The following VPS13B variants were observed in gnomAD, a reference collection of about 807,000 sequenced individuals.
VPS13B encodes intermembrane lipid transfer protein VPS13B.
VPS13B carries 285 observed loss-of-function variants against 426.4 expected under a neutral mutation model. The ratio of observed to expected loss-of-function variants is 0.67; its 90% CI spans 0.61 to 0.74. VPS13B has a LOEUF of 0.74. Ranked by LOEUF, VPS13B falls within the 30% of genes least tolerant of loss-of-function variation. The probability of loss-of-function intolerance (pLI) is 0.00; values close to 1 mark genes in which losing one functional copy is unlikely to be tolerated. For synonymous variants in VPS13B, 1,676 were observed against 1,676.4 expected (o/e 1.00, Z 0.01); for missense variants, 4,537 against 4,782.6 (o/e 0.95, Z 1.51).
chr8:99,652,552 T>G (rs989728670), intron 34 of VPS13B, among the ~76,000 whole-genome samples: 25 of 148,100 alleles, frequency 1.7e-4, no homozygotes, highest in Admixed American at 2.0e-4. Flanking sequence ...TAATTGAGGG[T>G]TTTTTTTTTA....
intron 15 of VPS13B, among the ~76,000 whole-genome samples, chr8:99,157,978 A>G (rs142597410): frequency 8.5e-4 from 130 of 152,348 alleles, no homozygotes; most frequent in African/African-American, 2.9e-3. Flanking sequence ...AGACTTGAGA[A>G]AGCTGCAGAA....
intron 43 of VPS13B, among the ~76,000 whole-genome samples, chr8:99,808,847 G>A (rs909987978): frequency 6.6e-6 from 1 of 151,432 alleles, no homozygotes; most frequent in African/African-American, 2.4e-5. Context: ...AATGTTGAGG[G>A]TATTTCTAAT....
chr8:99,621,820 C>CT (rs749078781), intron 33 of VPS13B, among the ~76,000 whole-genome samples: 2,600 of 83,272 alleles, frequency 0.031, 42 homozygotes, highest in African/African-American at 0.035. Context: ...TGTTTTGTTT[C>CT]TTTTTTTTTT....
At chr8:99,741,682 A>G (rs1809732445) in intron 39 of VPS13B, among the ~76,000 whole-genome samples, 1 of 152,120 alleles carries the variant, frequency 6.6e-6, no homozygotes. Flanking sequence ...ACTCAAAACC[A>G]CTCAACTACA....
At chr8:99,380,095 A>T (rs1036834168) in intron 19 of VPS13B, among the ~76,000 whole-genome samples, 8 of 152,188 alleles carry the variant, frequency 5.3e-5, no homozygotes, top group Admixed American at 2.6e-4. Flanking sequence ...TAAAATAAGA[A>T]TACAGTGCAA....
chr8:99,247,986 T>G (rs1055399769), intron 17 of VPS13B, among the ~76,000 whole-genome samples: 1 of 152,150 alleles, frequency 6.6e-6, no homozygotes, highest in Non-Finnish European at 1.5e-5. Flanking sequence ...TGTTCCTAAG[T>G]GCAATGAATA....
intron 3 of VPS13B, among the ~76,000 whole-genome samples, chr8:99,046,139 A>G (rs780676725): frequency 1.3e-5 from 2 of 152,124 alleles, no homozygotes; most frequent in Non-Finnish European, 2.9e-5. Flanking sequence ...TTTTGGCAGT[A>G]TGGTCATTTT....
intron 36 of VPS13B, among the ~76,000 whole-genome samples, chr8:99,714,138 C>CAAAA (rs1166159886): frequency 1.5e-5 from 1 of 65,132 alleles, no homozygotes; most frequent in Non-Finnish European, 3.1e-5. Context: ...GACTCTGTCT[C>CAAAA]AAAAAAAAAA....
At chr8:99,733,586 G>T (rs1165325041) in intron 39 of VPS13B, among the ~76,000 whole-genome samples, 2 of 152,116 alleles carry the variant, frequency 1.3e-5, no homozygotes, top group Non-Finnish European at 2.9e-5. Flanking sequence ...TTTGCCTCTT[G>T]TTCTGTCCTA....
At chr8:99,248,875 C>T (rs1243707045) in intron 17 of VPS13B, among the ~76,000 whole-genome samples, 2 of 152,162 alleles carry the variant, frequency 1.3e-5, no homozygotes, top group African/African-American at 2.4e-5. Flanking sequence ...CTCCCAAGCC[C>T]ACTTCCCCTT....
At chr8:99,273,796 A>AG (rs1337337652) in intron 17 of VPS13B, among the ~76,000 whole-genome samples, 56 of 152,216 alleles carry the variant, frequency 3.7e-4, no homozygotes, top group African/African-American at 1.3e-3. Context: ...CTGTCTCAAA[A>AG]AAAAATAAAA....
chr8:99,058,801 A>G (rs1035079588), intron 3 of VPS13B, among the ~76,000 whole-genome samples: 5 of 152,184 alleles, frequency 3.3e-5, no homozygotes, highest in African/African-American at 1.2e-4. Context: ...GAGGATATAC[A>G]GAGGAAGTTC....
intron 3 of VPS13B, among the ~76,000 whole-genome samples, chr8:99,069,521 G>A (rs4131359): frequency 0.83 from 125,738 of 152,210 alleles, 52,452 homozygotes; most frequent in South Asian, 0.89. Flanking sequence ...TATCTAATAA[G>A]TTATTAGGGT....
intron 16 of VPS13B, among the ~76,000 whole-genome samples, chr8:99,171,192 C>G (rs917917404): frequency 3.3e-5 from 5 of 151,630 alleles, no homozygotes; most frequent in African/African-American, 1.2e-4. Flanking sequence ...TCATTTTGTC[C>G]TTACTCCTCC....
chr8:99,823,556 T>C (rs1814501616), intron 50 of VPS13B, among the ~76,000 whole-genome samples: 1 of 152,128 alleles, frequency 6.6e-6, no homozygotes, highest in Non-Finnish European at 1.5e-5. Flanking sequence ...AGGTTACTGG[T>C]AAAATAACCA....
intron 3 of VPS13B, among the ~76,000 whole-genome samples, chr8:99,057,852 T>C (rs1044173733): frequency 1.3e-5 from 2 of 152,218 alleles, no homozygotes; most frequent in Non-Finnish European, 2.9e-5. Context: ...TTTCTACTGC[T>C]TTCCTATCTC....
intron 17 of VPS13B, among the ~76,000 whole-genome samples, chr8:99,273,960 C>A (rs1818752937): frequency 6.6e-6 from 1 of 151,642 alleles, no homozygotes; most frequent in African/African-American, 2.4e-5. Flanking sequence ...ACTTTTATTT[C>A]TTGAGCTTGA....
chr8:99,770,264 C>A (rs1310682280), intron 40 of VPS13B, among the ~76,000 whole-genome samples: 1 of 152,066 alleles, frequency 6.6e-6, no homozygotes, highest in Non-Finnish European at 1.5e-5. Flanking sequence ...AAATGTTGAC[C>A]TTTATAGTAC....
intron 3 of VPS13B, among the ~76,000 whole-genome samples, chr8:99,039,093 C>T (rs1842865313): frequency 6.6e-6 from 1 of 152,134 alleles, no homozygotes; most frequent in Non-Finnish European, 1.5e-5. Context: ...TTTGTCATAG[C>T]TCTACTAGGG....
Sources: gnomAD v4.1 joint callset for allele counts (sites outside exome capture counted in the v4.1 genomes callset) on GRCh38, gnomAD v4.1.1 for gene constraint, MANE v1.5 for transcripts, NCBI Gene and HGNC (gene_info 2026-07-23, HGNC 2026-07-21) for gene names.